Variants in NAV2 observed in about 807,000 individuals in gnomAD.
NAV2 encodes helicase, APC down-regulated 1.
NAV2 carries 54 observed loss-of-function variants against 223.2 expected under a neutral mutation model. The ratio of observed to expected loss-of-function variants is 0.24; its 90% CI spans 0.19 to 0.30. The LOEUF is 0.30. NAV2 is among the 10% of genes least tolerant of loss of function. NAV2 has a pLI of 1.00. For missense variants in NAV2, 2,806 were observed against 3,147.5 expected, an observed-to-expected ratio of 0.89 and a Z score of 2.60; for synonymous variants, 1,279 against 1,239.3, an observed-to-expected ratio of 1.03 and a Z score of -0.67.
At chr11:19,443,529 G>A (rs1851478000) in intron 1 of NAV2, among the ~76,000 whole-genome samples, 2 of 152,176 alleles carry the variant, frequency 1.3e-5, no homozygotes, top group Admixed American at 1.3e-4. Context: ...TGCTGCATCT[G>A]CCAGCAGCTT....
At chr11:19,779,126 CT>C (rs1256660087) in intron 1 of NAV2, among the ~76,000 whole-genome samples, 2 of 152,114 alleles carry the variant, frequency 1.3e-5, no homozygotes, top group African/African-American at 4.8e-5. Context: ...AGGGGTCAGC[CT>C]TTATTGGGTC....
intron 1 of NAV2, among the ~76,000 whole-genome samples, chr11:19,470,061 T>A (rs1383422843): frequency 2.6e-5 from 4 of 152,240 alleles, no homozygotes; most frequent in African/African-American, 9.6e-5. Flanking sequence ...CCTGCTCCAC[T>A]GGGGCTGAGG....
intron 1 of NAV2, among the ~76,000 whole-genome samples, chr11:19,791,610 A>G (rs983632576): frequency 4.6e-5 from 7 of 152,156 alleles, no homozygotes; most frequent in African/African-American, 9.7e-5. Flanking sequence ...AGTTAGTTCC[A>G]TGTGAGAACA....
intron 1 of NAV2, among the ~76,000 whole-genome samples, chr11:19,456,905 C>A (rs572498123): frequency 4.6e-4 from 70 of 152,296 alleles, no homozygotes; most frequent in African/African-American, 1.6e-3. Flanking sequence ...GAGATGAACC[C>A]AAATCCCTTC....
chr11:19,486,768 A>G (rs2042459414), intron 1 of NAV2, among the ~76,000 whole-genome samples: 1 of 152,150 alleles, frequency 6.6e-6, no homozygotes, highest in Non-Finnish European at 1.5e-5. Context: ...TCTATCTTTC[A>G]TCCTTCAAGA....
intron 1 of NAV2, among the ~76,000 whole-genome samples, chr11:19,631,947 C>A (rs1416750078): frequency 1.3e-5 from 2 of 152,204 alleles, no homozygotes; most frequent in South Asian, 4.1e-4. Context: ...CAAGAGAGAC[C>A]CACGCCAATC....
At chr11:19,961,354 T>C (rs888991985) in intron 10 of NAV2, among the ~76,000 whole-genome samples, 1 of 152,176 alleles carries the variant, frequency 6.6e-6, no homozygotes, top group African/African-American at 2.4e-5. Context: ...AGATTTATGA[T>C]GGGAAGGTTG....
At chr11:19,426,390 T>C (rs1198317274) in intron 1 of NAV2, among the ~76,000 whole-genome samples, 2 of 152,098 alleles carry the variant, frequency 1.3e-5, no homozygotes, top group African/African-American at 4.8e-5. Flanking sequence ...ATTTCTGCCA[T>C]CACAACCTGA....
intron 1 of NAV2, chr11:19,777,758 G>A (rs1430623854): frequency 1.2e-5 from 5 of 428,300 alleles, no homozygotes; most frequent in Non-Finnish European, 2.4e-5. Context: ...GTGGGACTGG[G>A]CTGCATTATC....
chr11:19,462,124 T>C (rs1322022577), intron 1 of NAV2, among the ~76,000 whole-genome samples: 1 of 152,204 alleles, frequency 6.6e-6, no homozygotes, highest in Admixed American at 6.5e-5. Flanking sequence ...ATAAATTTCT[T>C]AATATGAGTT....
chr11:20,042,916 T>G (rs2057062325), intron 12 of NAV2, among the ~76,000 whole-genome samples: 1 of 152,216 alleles, frequency 6.6e-6, no homozygotes, highest in Admixed American at 6.5e-5. Context: ...GCCTTTTAGC[T>G]GCAGGAGATC....
intron 1 of NAV2, among the ~76,000 whole-genome samples, chr11:19,509,719 T>TC (rs1015418308): frequency 6.6e-6 from 1 of 152,106 alleles, no homozygotes; most frequent in East Asian, 1.9e-4. Flanking sequence ...CATCAATGTT[T>TC]CCCCCCTAAA....
intron 29 of NAV2, among the ~76,000 whole-genome samples, chr11:20,093,479 T>C (rs914867994): frequency 1.1e-4 from 16 of 152,132 alleles, no homozygotes; most frequent in Non-Finnish European, 1.6e-4. Flanking sequence ...CTAACATCCA[T>C]TGGAAAGGGC....
chr11:19,714,197 G>T, intron 1 of NAV2: 1 of 694,882 alleles, frequency 1.4e-6, no homozygotes, highest in Non-Finnish European at 2.6e-6. Context: ...GGGATGGCGG[G>T]CACGTCTGCA....
chr11:20,093,489 C>G (rs1592112617), intron 29 of NAV2, among the ~76,000 whole-genome samples: 1 of 152,306 alleles, frequency 6.6e-6, no homozygotes, highest in East Asian at 1.9e-4. Flanking sequence ...TTGGAAAGGG[C>G]CTTTCTGAAT....
intron 7 of NAV2, among the ~76,000 whole-genome samples, chr11:19,937,999 G>A (rs1052608895): frequency 2.0e-5 from 3 of 152,190 alleles, no homozygotes; most frequent in South Asian, 4.1e-4. Flanking sequence ...GATTAGCAGC[G>A]AACTAAGGAA....
chr11:20,029,542 A>G (rs577127760), intron 11 of NAV2, among the ~76,000 whole-genome samples: 1 of 152,110 alleles, frequency 6.6e-6, no homozygotes, highest in South Asian at 2.1e-4. Context: ...TTATGTTTTC[A>G]TTTGTGTCTA....
chr11:19,680,155 A>T (rs7927786), intron 1 of NAV2, among the ~76,000 whole-genome samples: 1 of 152,078 alleles, frequency 6.6e-6, no homozygotes, highest in South Asian at 2.1e-4. Flanking sequence ...TTATTCCAGC[A>T]CCCAGGACAA....
At chr11:20,105,116 C>T (rs542419307) in intron 34 of NAV2, 39 of 155,620 alleles carry the variant, frequency 2.5e-4, no homozygotes, top group African/African-American at 8.4e-4. Context: ...GGAACCAGGA[C>T]GGTGTCTTAG....
Sources: gnomAD v4.1 joint callset for allele counts (sites outside exome capture counted in the v4.1 genomes callset) on GRCh38, gnomAD v4.1.1 for gene constraint, MANE v1.5 for transcripts, NCBI Gene and HGNC (gene_info 2026-07-23, HGNC 2026-07-21) for gene names.